The following LRTM3 variants were observed in gnomAD, a reference collection of about 807,000 sequenced individuals.
LRTM3 encodes the protein leucine-rich repeat transmembrane protein 3.
At chr13:102,730,351 G>T in the LRTM3 span, 12 of 1,550,910 alleles carry the variant, frequency 7.7e-6, no homozygotes, top group Admixed American at 2.0e-4. Flanking sequence ...ATGAACACTC[G>T]TCCAAGTCAG....
the LRTM3 span, chr13:102,747,285 G>C: frequency 6.5e-7 from 1 of 1,549,348 alleles, no homozygotes; most frequent in Non-Finnish European, 8.7e-7. Flanking sequence ...ATAACATTCA[G>C]AAGCATACCT....
At chr13:102,737,477 T>G in the LRTM3 span, 1 of 1,550,798 alleles carries the variant, frequency 6.4e-7, no homozygotes, top group South Asian at 1.2e-5. Context: ...ATCTGCTTGC[T>G]GTTGCTCTTC....
At chr13:102,748,823 G>A in the LRTM3 span, 1 of 1,550,496 alleles carries the variant, frequency 6.4e-7, no homozygotes, top group Non-Finnish European at 8.7e-7. Flanking sequence ...TTCTAGCTGA[G>A]GTAACATTTT....
At chr13:102,743,555 A>G in the LRTM3 span, 1 of 1,549,398 alleles carries the variant, frequency 6.5e-7, no homozygotes, top group Non-Finnish European at 8.7e-7. Context: ...CCTTTCTGAT[A>G]ACTGTATTGT....
the LRTM3 span, chr13:102,738,082 T>C: frequency 8.4e-6 from 13 of 1,551,088 alleles, no homozygotes; most frequent in East Asian, 2.9e-4. Flanking sequence ...CTCTGTCCTC[T>C]TTCCCTTGCT....
the LRTM3 span, chr13:102,747,753 C>T: frequency 1.9e-6 from 3 of 1,551,168 alleles, no homozygotes; most frequent in Non-Finnish European, 2.6e-6. Flanking sequence ...ACCTTCTCAA[C>T]TTGAAATGGA....
At chr13:102,732,423 T>C in the LRTM3 span, 28 of 1,551,306 alleles carry the variant, frequency 1.8e-5, no homozygotes, top group South Asian at 3.0e-4. Flanking sequence ...TATTTGGTGC[T>C]CAATTCTCTT....
chr13:102,733,673 G>T, the LRTM3 span: 1 of 1,551,186 alleles, frequency 6.4e-7, no homozygotes, highest in South Asian at 1.2e-5. Flanking sequence ...GAGCCATTCC[G>T]GCCTTTTCCC....
the LRTM3 span, chr13:102,740,481 T>A: frequency 6.5e-7 from 1 of 1,550,150 alleles, no homozygotes. Flanking sequence ...GGGCAAGATA[T>A]ATGCTCCCAA....
chr13:102,745,635 T>G, the LRTM3 span: 1 of 1,551,118 alleles, frequency 6.4e-7, no homozygotes, highest in Middle Eastern at 1.7e-4. Flanking sequence ...CTCGTCGTTT[T>G]AGGTGTAGAT....
At chr13:102,730,577 T>A in the LRTM3 span, 1 of 1,552,044 alleles carries the variant, frequency 6.4e-7, no homozygotes, top group Non-Finnish European at 8.7e-7. Context: ...CCTCGGGCTG[T>A]GCAGATCACG....
chr13:102,734,203 T>G, the LRTM3 span: 2 of 1,551,458 alleles, frequency 1.3e-6, no homozygotes, highest in Non-Finnish European at 1.7e-6. Flanking sequence ...TCGTTTTCAC[T>G]TCATGCCTGT....
the LRTM3 span, chr13:102,741,329 C>T: frequency 3.2e-6 from 5 of 1,549,622 alleles, no homozygotes; most frequent in South Asian, 2.4e-5. Flanking sequence ...AGGGTCCTTA[C>T]TGAGGAAAGA....
chr13:102,743,237 G>C, the LRTM3 span: 1 of 1,550,654 alleles, frequency 6.4e-7, no homozygotes, highest in Non-Finnish European at 8.7e-7. Flanking sequence ...AGAATACCTT[G>C]CTATCCCTTC....
the LRTM3 span, chr13:102,743,471 C>T: frequency 6.5e-7 from 1 of 1,549,532 alleles, no homozygotes; most frequent in South Asian, 1.2e-5. Flanking sequence ...AAACTGCCCA[C>T]TGATTTTATG....
the LRTM3 span, chr13:102,729,589 A>G: frequency 1.3e-6 from 2 of 1,536,102 alleles, no homozygotes; most frequent in Non-Finnish European, 1.8e-6. Flanking sequence ...TTTCAGGGGG[A>G]ATAGTCCAGC....
the LRTM3 span, among the ~76,000 whole-genome samples, chr13:102,756,690 A>C: frequency 2.9e-5 from 3 of 103,400 alleles, no homozygotes; most frequent in South Asian, 6.6e-4. Flanking sequence ...AAAAAAAAAA[A>C]AAAAACAAAA....
the LRTM3 span, chr13:102,736,786 T>G: frequency 6.4e-7 from 1 of 1,551,036 alleles, no homozygotes; most frequent in Non-Finnish European, 8.7e-7. Flanking sequence ...AAATATTTGC[T>G]TTATCCTTTT....
the LRTM3 span, chr13:102,730,732 G>T: frequency 6.4e-7 from 1 of 1,551,730 alleles, no homozygotes; most frequent in South Asian, 1.2e-5. Context: ...CAGCATTTAC[G>T]TTTTTACACA....
Sources: gnomAD v4.1 joint callset for allele counts (sites outside exome capture counted in the v4.1 genomes callset) on GRCh38, gnomAD v4.1.1 for gene constraint, MANE v1.5 for transcripts, NCBI Gene and HGNC (gene_info 2026-07-23, HGNC 2026-07-21) for gene names.